FHAD1: variants seen among roughly 807,000 people sequenced by gnomAD.
The protein encoded by FHAD1 is forkhead-associated domain-containing protein 1.
Under a neutral mutation model 191.3 loss-of-function variants are expected in FHAD1, and 146 were observed. That is an observed-to-expected ratio of 0.76 (90% CI 0.67 to 0.88). The LOEUF (loss-of-function observed/expected upper bound fraction) is 0.88, where lower values mean the gene tolerates loss of function less well. FHAD1 is among the 40% of genes least tolerant of loss of function. FHAD1 has a pLI of 0.00. For missense variants in FHAD1, 1,635 were observed against 1,785.8 expected (o/e 0.92, Z 1.52); for synonymous variants, 616 against 672.3 (o/e 0.92, Z 1.29).
At chr1:15,385,144 T>G (rs6692393) in intron 31 of FHAD1, among the ~76,000 whole-genome samples, 17,526 of 147,350 alleles carry the variant, frequency 0.12, 2,472 homozygotes, top group African/African-American at 0.35. Context: ...TTTTTTTTTT[T>G]GCTTGCTGTT....
chr1:15,302,764 T>C lies in FHAD1; in HGVS notation c.915+1323T>C, dbSNP rs555508615. 3.5e-3 allele frequency among the ~76,000 whole-genome samples: 535 copies of C among 151,982 alleles called. 3 individuals are homozygous for C. Among genetic ancestry groups the C allele is most frequent in the African/African-American group, 0.012 (514 of 41,450 alleles). ...TGATATTGTATATCAGTCAACAAAG[T>C]TGTTAAAAGAGTAATGGGCCACTGG... On this transcript the variant is annotated intron_variant, in intron 6 of 33. Coordinates refer to ENST00000688493, the MANE Select transcript of FHAD1 (RefSeq NM_001391957.1).
chr1:15,245,412 T>C (rs955479261), upstream of FHAD1, among the ~76,000 whole-genome samples: 1 of 152,228 alleles, frequency 6.6e-6, no homozygotes, highest in African/African-American at 2.4e-5. Context: ...TTAGATTTCA[T>C]GGTGGTTGTT....
Position 15,296,748 on chromosome 1 carries a change from C to T in FHAD1, c.633C>T (p.Pro211=). ...SVAEGIPGAV[P]PAEIYVEEDL... is the part of the protein sequence containing the mutation. ...CCGAGGGGATTCCTGGGGCAGTTCC[C>T]CCTGCGGAGATTTATGTGGAGGAGG... The change falls in exon 5 of 34, where the codon CCC becomes CCT. Residue 211 remains proline (P), a synonymous_variant. Transcript: ENST00000688493. The T allele has an allele frequency of 1.3e-6, 2 of 1,551,792 alleles. No individual in the cohort carries two copies. Among genetic ancestry groups the T allele is most frequent in the Middle Eastern group, 1.7e-4 (1 of 5,990 alleles).
intron 32 of FHAD1, among the ~76,000 whole-genome samples, chr1:15,389,599 GC>G (rs144930431): frequency 0.038 from 5,780 of 152,082 alleles, 354 homozygotes; most frequent in African/African-American, 0.13. Context: ...CAGGCTCCAG[GC>G]CTTCTAGAGG....
intron 16 of FHAD1, among the ~76,000 whole-genome samples, chr1:15,344,857 G>C (rs992743450): frequency 6.6e-6 from 1 of 152,152 alleles, no homozygotes; most frequent in African/African-American, 2.4e-5. Context: ...TGAGGCTCTG[G>C]TAGCTTCACT....
chr1:15,387,472 G>T (rs1702416464), intron 31 of FHAD1, among the ~76,000 whole-genome samples: 3 of 152,174 alleles, frequency 2.0e-5, no homozygotes, highest in African/African-American at 7.2e-5. Context: ...CACCAGGCTG[G>T]GTGCGGTGGC....
At position 15,318,152 on chromosome 1, in the gene FHAD1, C is replaced by T. The variant is rs1675074040; in HGVS notation, c.1365+224C>T. 6.6e-6 allele frequency among the ~76,000 whole-genome samples: 1 copy of T among 152,212 alleles called. No individual in the cohort carries two copies. The highest frequency in any genetic ancestry group is 1.5e-5 in the Non-Finnish European group (1 of 68,032). On this transcript the variant is annotated intron_variant, in intron 10 of 33. Transcript: ENST00000688493. The surrounding 1 kb of genome is among the most constrained non-coding windows in gnomAD (Gnocchi z 4.1). ...AAGGCCCCTGTGAGTAACCCCACTA[C>T]TCCTCACTGCCTTCTAAAACTGTTT...
chr1:15,333,824 C>CTTTTTTTTTTTTTTTTTTTTTTT (rs55698715), intron 14 of FHAD1, among the ~76,000 whole-genome samples: 1 of 64,810 alleles, frequency 1.5e-5, no homozygotes, highest in Non-Finnish European at 2.8e-5. Context: ...TTTTATTTAT[C>CTTTTTTTTTTTTTTTTTTTTTTT]TTTTTTTTTT....
chr1:15,302,534 G>T (rs2100922860), intron 6 of FHAD1, among the ~76,000 whole-genome samples: 1 of 152,244 alleles, frequency 6.6e-6, no homozygotes, highest in Admixed American at 6.5e-5. Context: ...GACCATCCTG[G>T]CTAACACAGT....
intron 14 of FHAD1, among the ~76,000 whole-genome samples, chr1:15,332,027 G>A (rs925441549): frequency 2.0e-5 from 3 of 152,136 alleles, no homozygotes; most frequent in Non-Finnish European, 4.4e-5. Flanking sequence ...TTTCCACAAT[G>A]AATAAGAATA....
At chr1:15,322,522 C>T (rs1367060493) in intron 10 of FHAD1, among the ~76,000 whole-genome samples, 2 of 152,212 alleles carry the variant, frequency 1.3e-5, no homozygotes, top group African/African-American at 2.4e-5. Context: ...GCCTGTCTGA[C>T]TCCAGTTACT....
chr1:15,304,963 C>G (rs930088837), intron 6 of FHAD1, among the ~76,000 whole-genome samples: 1 of 152,142 alleles, frequency 6.6e-6, no homozygotes, highest in African/African-American at 2.4e-5. Context: ...CGGGGTCCCC[C>G]CCGACTCCCA....
intron 31 of FHAD1, among the ~76,000 whole-genome samples, chr1:15,385,605 C>T (rs1701935593): frequency 6.6e-6 from 1 of 152,128 alleles, no homozygotes; most frequent in Admixed American, 6.5e-5. Context: ...GACACCACCT[C>T]TAAAAATAAA....
chr1:15,284,219 G>A (rs1661568748), intron 3 of FHAD1, among the ~76,000 whole-genome samples: 2 of 152,182 alleles, frequency 1.3e-5, no homozygotes, highest in East Asian at 3.9e-4. Context: ...AGCGGCTCAC[G>A]CCGGTAATCC....
At position 15,318,769 on chromosome 1, in the gene FHAD1, C is replaced by T. The variant is rs567585044; in HGVS notation, c.1365+841C>T. Among the ~76,000 whole-genome samples the T allele has an allele frequency of 2.0e-5, 3 of 152,356 alleles. No individual in the cohort carries two copies. The South Asian group carries it at 6.2e-4, about 32-fold the overall frequency. On this transcript the variant is annotated intron_variant, in intron 10 of 33. Coordinates refer to ENST00000688493, the MANE Select transcript of FHAD1 (RefSeq NM_001391957.1). This position sits in a 1 kb window ranked among gnomAD's most constrained non-coding sequence, Gnocchi z 4.1. Reference sequence around the variant, plus strand: ...ACAGCACAGATATGGAAATTTCCATCAGCACAGCAAGTCCTATTGTTTTAA... The same window carrying T: ...ACAGCACAGATATGGAAATTTCCATTAGCACAGCAAGTCCTATTGTTTTAA...
chr1:15,287,424 C>T (rs183309039), intron 3 of FHAD1, among the ~76,000 whole-genome samples: 1,832 of 152,276 alleles, frequency 0.012, 22 homozygotes, highest in Non-Finnish European at 0.019. Context: ...AGGAAACTTA[C>T]AATCATGGCA....
intron 4 of FHAD1, among the ~76,000 whole-genome samples, chr1:15,295,802 G>T (rs1479907076): frequency 6.6e-6 from 1 of 152,200 alleles, no homozygotes; most frequent in Non-Finnish European, 1.5e-5. Context: ...GGGCCATACA[G>T]TCTGTGTTGC....
At chr1:15,288,898 C>T (rs899535095) in intron 3 of FHAD1, among the ~76,000 whole-genome samples, 1 of 152,168 alleles carries the variant, frequency 6.6e-6, no homozygotes, top group Admixed American at 6.5e-5. Context: ...GTGGTGTGAT[C>T]GTGTGCCGTG....
chr1:15,246,263 C>T (rs936737673), upstream of FHAD1, among the ~76,000 whole-genome samples: 1 of 152,192 alleles, frequency 6.6e-6, no homozygotes, highest in Non-Finnish European at 1.5e-5. Flanking sequence ...TCACCTCCCA[C>T]CAGGCCCCTC....
Sources: gnomAD v4.1 joint callset for allele counts (sites outside exome capture counted in the v4.1 genomes callset) on GRCh38, gnomAD v4.1.1 for gene constraint, Gnocchi (gnomAD v3.1) non-coding constraint, MANE v1.5 for transcripts, NCBI Gene and HGNC (gene_info 2026-07-23, HGNC 2026-07-21) for gene names.